Variants in GALNT14 observed in about 807,000 individuals in gnomAD.
GALNT14 encodes the protein polypeptide N-acetylgalactosaminyltransferase 14, also known as UDP-GalNAc:polypeptide N-acetylgalactosaminyltransferase 14.
In GALNT14, 60 loss-of-function variants were observed where a neutral mutation model predicts 77.5. That is an observed-to-expected ratio of 0.77 (90% confidence interval 0.63 to 0.96). The LOEUF (loss-of-function observed/expected upper bound fraction) is 0.96. Ranked by LOEUF, GALNT14 falls within the 40% of genes least tolerant of loss-of-function variation. GALNT14 has a pLI of 0.00. For missense variants in GALNT14, 710 were observed against 731.0 expected (o/e 0.97, Z 0.33); for synonymous variants, 280 against 281.7 (o/e 0.99, Z 0.06).
chr2:30,927,726 G>A (rs1023879075), intron 11 of GALNT14, among the ~76,000 whole-genome samples: 3 of 152,170 alleles, frequency 2.0e-5, no homozygotes, highest in Non-Finnish European at 2.9e-5. Flanking sequence ...GCGAAAGAGG[G>A]GGGTGGACTA....
chr2:31,022,676 G>T (rs1214911347), intron 1 of GALNT14, among the ~76,000 whole-genome samples: 1 of 152,160 alleles, frequency 6.6e-6, no homozygotes, highest in African/African-American at 2.4e-5. Context: ...ACTGGGGAGG[G>T]CAAACAAGGC....
chr2:31,020,490 C>T (rs1671651297), intron 1 of GALNT14, among the ~76,000 whole-genome samples: 1 of 152,192 alleles, frequency 6.6e-6, no homozygotes, highest in African/African-American at 2.4e-5. Flanking sequence ...GGGCACAGCC[C>T]ACCTAAGGCT....
chr2:30,909,759 A>T (rs1051285008), downstream of GALNT14, among the ~76,000 whole-genome samples: 13 of 152,200 alleles, frequency 8.5e-5, 1 homozygote, highest in African/African-American at 3.1e-4. Context: ...ACACATGCAC[A>T]TGTATGTTTA....
intron 1 of GALNT14, among the ~76,000 whole-genome samples, chr2:31,103,208 C>A (rs1290320223): frequency 1.3e-5 from 2 of 152,012 alleles, no homozygotes; most frequent in African/African-American, 4.8e-5. Context: ...GATTGTTCTT[C>A]CAGTGTGATT....
intron 1 of GALNT14, among the ~76,000 whole-genome samples, chr2:31,060,206 T>A (rs1674501821): frequency 6.6e-6 from 1 of 152,028 alleles, no homozygotes; most frequent in African/African-American, 2.4e-5. Context: ...AGGTCCCAGG[T>A]CATGGTTTTC....
intron 1 of GALNT14, among the ~76,000 whole-genome samples, chr2:31,121,674 CCT>C (rs1203896738): frequency 6.6e-6 from 1 of 152,120 alleles, no homozygotes; most frequent in Non-Finnish European, 1.5e-5. Context: ...CAATAATCTC[CCT>C]TTCTCTAAGC....
At chr2:31,017,484 A>T (rs1484996524) in intron 1 of GALNT14, among the ~76,000 whole-genome samples, 2 of 152,230 alleles carry the variant, frequency 1.3e-5, no homozygotes, top group Non-Finnish European at 2.9e-5. Flanking sequence ...GATTTTAATC[A>T]TTACCTGCAG....
chr2:30,911,815 T>G (rs1664380492), intron 14 of GALNT14, among the ~76,000 whole-genome samples: 1 of 152,124 alleles, frequency 6.6e-6, no homozygotes, highest in African/African-American at 2.4e-5. Flanking sequence ...GAACTGGGCA[T>G]GTGGTGCATC....
chr2:31,026,282 T>C (rs1672049292), intron 1 of GALNT14, among the ~76,000 whole-genome samples: 1 of 152,224 alleles, frequency 6.6e-6, no homozygotes, highest in African/African-American at 2.4e-5. Context: ...TCTGAGGCCT[T>C]GTAGAAGCTT....
chr2:30,979,910 C>T (rs949031660), intron 2 of GALNT14, among the ~76,000 whole-genome samples: 1 of 152,174 alleles, frequency 6.6e-6, no homozygotes, highest in Non-Finnish European at 1.5e-5. Context: ...TAGTTGCTGG[C>T]CCCCGGCTCT....
At chr2:30,951,038 T>C (rs942391652) in intron 6 of GALNT14, among the ~76,000 whole-genome samples, 1 of 152,094 alleles carries the variant, frequency 6.6e-6, no homozygotes, top group Non-Finnish European at 1.5e-5. Flanking sequence ...CAATTTACCA[T>C]ATGAGCCAGC....
intron 1 of GALNT14, among the ~76,000 whole-genome samples, chr2:31,110,229 T>G (rs914932350): frequency 6.6e-6 from 1 of 152,164 alleles, no homozygotes; most frequent in Non-Finnish European, 1.5e-5. Context: ...CCGTGTATTA[T>G]AAATGCAGAG....
intron 1 of GALNT14, among the ~76,000 whole-genome samples, chr2:31,136,309 A>C (rs568335612): frequency 2.0e-5 from 3 of 150,184 alleles, no homozygotes; most frequent in Non-Finnish European, 4.4e-5. Context: ...AATTATGCCA[A>C]ACTCACACAA....
intron 1 of GALNT14, among the ~76,000 whole-genome samples, chr2:31,040,108 T>A (rs1391027741): frequency 6.6e-6 from 1 of 152,218 alleles, no homozygotes; most frequent in Non-Finnish European, 1.5e-5. Context: ...AACAAACTGT[T>A]TATTTCTATT....
At chr2:31,045,078 A>G (rs1410576297) in intron 1 of GALNT14, among the ~76,000 whole-genome samples, 1 of 152,210 alleles carries the variant, frequency 6.6e-6, no homozygotes, top group African/African-American at 2.4e-5. Flanking sequence ...TAAGGGGTAC[A>G]GAAGAATGAC....
intron 4 of GALNT14, among the ~76,000 whole-genome samples, chr2:30,957,061 T>A (rs1667413395): frequency 6.6e-6 from 1 of 152,134 alleles, no homozygotes; most frequent in Non-Finnish European, 1.5e-5. Flanking sequence ...CTCCTTTGGT[T>A]CACCAGCTCC....
intron 1 of GALNT14, among the ~76,000 whole-genome samples, chr2:31,089,138 C>T (rs1676602279): frequency 6.6e-6 from 1 of 152,076 alleles, no homozygotes; most frequent in African/African-American, 2.4e-5. Context: ...ACTCTAAGCC[C>T]CTCCTTCTCC....
intron 1 of GALNT14, among the ~76,000 whole-genome samples, chr2:31,130,784 G>GTGTGCGCA (rs57066682): frequency 8.0e-6 from 1 of 124,976 alleles, no homozygotes; most frequent in African/African-American, 4.1e-5. Flanking sequence ...GTGTGTGTGT[G>GTGTGCGCA]CGCGCGCACC....
At chr2:31,115,633 T>G (rs2148630655) in intron 1 of GALNT14, among the ~76,000 whole-genome samples, 1 of 152,346 alleles carries the variant, frequency 6.6e-6, no homozygotes, top group African/African-American at 2.4e-5. Flanking sequence ...TCTAGAAGTG[T>G]TAAATTATCT....
Sources: allele counts gnomAD v4.1 joint callset (sites outside exome capture counted in the v4.1 genomes callset), GRCh38; gene constraint gnomAD v4.1.1; transcripts MANE v1.5; gene names NCBI Gene and HGNC (gene_info 2026-07-23, HGNC 2026-07-21).